ZSCAN1: variants seen among roughly 807,000 people sequenced by gnomAD.
ZSCAN1 encodes zinc finger and SCAN domain-containing protein 1.
ZSCAN1 carries 23 observed loss-of-function variants against 23.8 expected under a neutral mutation model. That is an observed-to-expected ratio of 0.97 (90% confidence interval 0.70 to 1.37). The LOEUF is 1.37. ZSCAN1 is among the 40% of genes most tolerant of loss of function. ZSCAN1 has a pLI of 0.00. For synonymous variants in ZSCAN1, 236 were observed against 232.3 expected (o/e 1.02, Z -0.15); for missense variants, 575 against 554.0 (o/e 1.04, Z -0.38).
chr19:58,039,128 C>T lies in ZSCAN1; in HGVS notation c.370+922C>T, dbSNP rs150374921. 5.9e-3 allele frequency among the ~76,000 whole-genome samples: 904 copies of T among 152,356 alleles called. 2 individuals carry two copies. Among genetic ancestry groups the T allele is most frequent in the South Asian group, 8.9e-3 (43 of 4,830 alleles). On this transcript the variant is annotated intron_variant, in intron 3 of 5. Coordinates refer to ENST00000282326, the MANE Select transcript of ZSCAN1 (RefSeq NM_182572.4). ...CCAGGGTCCCCTTACTGCCCCAGGG[C>T]AGCCGGTGCCACACTTAGGAAAGCT...
Position 58,037,994 on chromosome 19 carries a change from A to C in ZSCAN1, c.158A>C (p.His53Pro). 1 of 1,608,916 alleles carries C rather than the reference A, an allele frequency of 6.2e-7. No individual in the cohort carries two copies. The highest frequency in any genetic ancestry group is 8.5e-7 in the Non-Finnish European group (1 of 1,179,352). Residue 53 changes from histidine to proline, a missense_variant, in exon 3 of 6, where the codon CAC becomes CCC. His to Pro is a moderately conservative substitution (Grantham distance 77, BLOSUM62 -2). Transcript: ENST00000282326. ...QFQYHVASGPHLALGQLWTLC... is the reference protein window; with the variant it reads ...QFQYHVASGPPLALGQLWTLC... ...CAGTACCACGTGGCGAGCGGGCCGC[A>C]CCTCGCGCTGGGCCAGCTCTGGACG...
rs1387164249 is a variant in ZSCAN1 at position 58,045,867 on chromosome 19, G to C, written c.465+5323G>C. ...CCCTCTTGCCAGCCGACCAGCTCAAGTCCACACTGCAGACTCTCCCAGAGA... is the reference window on the plus strand; with the variant it reads ...CCCTCTTGCCAGCCGACCAGCTCAACTCCACACTGCAGACTCTCCCAGAGA... On this transcript the variant is annotated intron_variant, in intron 4 of 5. Transcript: ENST00000282326. The surrounding 1 kb of genome is among the most constrained non-coding windows in gnomAD (Gnocchi z 4.3). 9.6e-7 allele frequency: 1 copy of C among 1,039,718 alleles called. No homozygotes were observed. Among genetic ancestry groups the C allele is most frequent in the Non-Finnish European group, 1.5e-6 (1 of 656,190 alleles). 64.4% of individuals were successfully genotyped at this position (1,039,718 alleles called of 1,614,324 possible). A position where few individuals can be genotyped will look rare whatever the true frequency, so the allele number is the denominator to read the frequency against.
chr19:58,055,825 C>T (rs776536342), downstream of ZSCAN1, among the ~76,000 whole-genome samples: 5 of 152,224 alleles, frequency 3.3e-5, no homozygotes, highest in Non-Finnish European at 7.3e-5. Flanking sequence ...ATCAGTCAGG[C>T]TCCAGCCTAC....
chr19:58,038,489 G>A (rs2073758773), intron 3 of ZSCAN1: 1 of 576,100 alleles, frequency 1.7e-6, no homozygotes, highest in Non-Finnish European at 3.1e-6. Context: ...CCTCACGGCT[G>A]CTCTCTGGGA....
Position 58,045,761 on chromosome 19 carries a change from A to G in ZSCAN1, c.465+5217A>G, listed in dbSNP as rs1198037148. On this transcript the variant is annotated intron_variant, in intron 4 of 5. Coordinates refer to ENST00000282326, the MANE Select transcript of ZSCAN1 (RefSeq NM_182572.4). This position sits in a 1 kb window ranked among gnomAD's most constrained non-coding sequence, Gnocchi z 4.3. ...GAAAACCACCTGAGGGGCCAGCTGAAGCAGTGGCTGGACCTGCACCTGCAT... is the reference window on the plus strand; with the variant it reads ...GAAAACCACCTGAGGGGCCAGCTGAGGCAGTGGCTGGACCTGCACCTGCAT... 28 of 1,509,264 alleles carry G rather than the reference A, an allele frequency of 1.9e-5. No homozygotes were observed. The highest frequency in any genetic ancestry group is 2.6e-5 in the Non-Finnish European group (28 of 1,085,314). 93.5% of individuals were successfully genotyped at this position (1,509,264 alleles called of 1,614,324 possible).
rs1386242800 is a variant in ZSCAN1, at chr19:58,053,592, C to T, written c.768C>T (p.Asp256=). ...ISPRRRNRNT[D]QSGRHQPSLK... is the part of the protein sequence containing the mutation. The stretch of plus-strand genomic sequence containing the variant: ...CCCGAAGGAGAAACAGGAACACTGA[C>T]CAGAGCGGCCGCCACCAGCCATCCC... Residue 256 remains aspartate (D), a synonymous_variant, in exon 6 of 6, where the codon GAC becomes GAT. Transcript: ENST00000282326. This position sits in a 1 kb window ranked among gnomAD's most constrained non-coding sequence, Gnocchi z 5.8. 6.2e-7 allele frequency: 1 copy of T among 1,614,128 alleles called. No homozygotes were observed. Among genetic ancestry groups the T allele is most frequent in the Admixed American group, 1.7e-5 (1 of 60,020 alleles).
chr19:58,034,817 C>A (rs1238939924), intron 1 of ZSCAN1, among the ~76,000 whole-genome samples: 1 of 148,058 alleles, frequency 6.8e-6, no homozygotes, highest in Non-Finnish European at 1.5e-5. Context: ...ATTCCCAGTG[C>A]GCTGCCCTTG....
In ZSCAN1 at chr19:58,041,601, C is replaced by T. The variant is rs186849555; in HGVS notation, c.465+1057C>T. Among the ~76,000 whole-genome samples, 848 of 152,294 alleles carry T rather than the reference C, an allele frequency of 5.6e-3. 13 individuals carry two copies. The highest frequency in any genetic ancestry group is 0.024 in the Admixed American group (363 of 15,292). ...AACAAAATACGGCTGGGTGTGGTGG[C>T]TCATCCCGGTAATCCCAGCACTTTG... On this transcript the variant is annotated intron_variant, in intron 4 of 5. Transcript: ENST00000282326.
intron 2 of ZSCAN1, among the ~76,000 whole-genome samples, chr19:58,036,797 C>T (rs747665588): frequency 6.6e-6 from 1 of 152,134 alleles, no homozygotes; most frequent in Non-Finnish European, 1.5e-5. Context: ...AGCAATTCTC[C>T]TGCCTCAGCC....
At chr19:58,044,209 C>T (rs2073808560) in intron 4 of ZSCAN1, among the ~76,000 whole-genome samples, 1 of 151,876 alleles carries the variant, frequency 6.6e-6, no homozygotes, top group Non-Finnish European at 1.5e-5. Context: ...GAGGCGGAGG[C>T]TGCAGTGAGC....
At chr19:58,042,787 C>T (rs2073799294) in intron 4 of ZSCAN1, among the ~76,000 whole-genome samples, 1 of 152,224 alleles carries the variant, frequency 6.6e-6, no homozygotes, top group African/African-American at 2.4e-5. Context: ...CACGGCAACT[C>T]CAAGGACTCT....
intron 4 of ZSCAN1, chr19:58,044,522 G>T: frequency 2.2e-6 from 1 of 449,152 alleles, no homozygotes; most frequent in Non-Finnish European, 3.9e-6. Context: ...GCGAAGAGCC[G>T]CGGCCGCCGC....
At position 58,047,051 on chromosome 19, in the gene ZSCAN1, C is replaced by A. The variant is rs1367422840; in HGVS notation, c.466-5439C>A. Among the ~76,000 whole-genome samples the A allele has an allele frequency of 2.0e-5, 3 of 152,356 alleles. No homozygotes were observed. The highest frequency in any genetic ancestry group is 2.1e-4 in the South Asian group (1 of 4,828). Reference sequence around the variant, plus strand: ...CTGGGCCAAGGCAGGAAGGTGCCCCCCTGTGTGTGGCCTCACGTCTCAGTG... The same window carrying A: ...CTGGGCCAAGGCAGGAAGGTGCCCCACTGTGTGTGGCCTCACGTCTCAGTG... On this transcript the variant is annotated intron_variant, in intron 4 of 5. Coordinates refer to ENST00000282326, the MANE Select transcript of ZSCAN1 (RefSeq NM_182572.4). The surrounding 1 kb of genome is among the most constrained non-coding windows in gnomAD (Gnocchi z 4.9).
At position 58,053,899 on chromosome 19, in the gene ZSCAN1, G is replaced by T. The variant is rs1402018334; in HGVS notation, c.1075G>T (p.Glu359Ter). The T allele has an allele frequency of 1.2e-6, 2 of 1,613,270 alleles. No homozygotes were observed. Among genetic ancestry groups the T allele is most frequent in the Non-Finnish European group, 8.5e-7 (1 of 1,179,410 alleles). Residue 359 changes from glutamate (E) to a stop codon, truncating the protein, a stop_gained, in exon 6 of 6, where the codon GAG becomes TAG. Coordinates refer to ENST00000282326, the MANE Select transcript of ZSCAN1 (RefSeq NM_182572.4). LOFTEE classifies it low-confidence loss of function (END_TRUNC). The surrounding 1 kb of genome is among the most constrained non-coding windows in gnomAD (Gnocchi z 5.8). Reference protein sequence around the residue: ...KKAPRSKGPRESVPPRDGAQG... With the variant: ...KKAPRSKGPR ...AGCCCCCCGGAGCAAGGGCCCCCGG[G>T]AGTCCGTCCCACCCAGGGATGGAGC... is the stretch of plus-strand genomic sequence containing the variant.
chr19:58,035,762 C>T (rs1212591343), intron 1 of ZSCAN1, among the ~76,000 whole-genome samples: 2 of 152,190 alleles, frequency 1.3e-5, no homozygotes, highest in Non-Finnish European at 2.9e-5. Context: ...CCGTGAGTTG[C>T]CTTTCTGCCA....
chr19:58,051,422 G>A (rs569433471), intron 4 of ZSCAN1, among the ~76,000 whole-genome samples: 24 of 152,108 alleles, frequency 1.6e-4, no homozygotes, highest in Non-Finnish European at 3.1e-4. Context: ...CAACGTGAGA[G>A]CAGGAAGAAT....
chr19:58,054,869 G>A (rs1039282726), downstream of ZSCAN1, among the ~76,000 whole-genome samples: 1 of 151,742 alleles, frequency 6.6e-6, no homozygotes, highest in Non-Finnish European at 1.5e-5. This position sits in a 1 kb window ranked among gnomAD's most constrained non-coding sequence, Gnocchi z 4.2. Context: ...TTAGATAGAT[G>A]CCAACATTTG....
At position 58,040,786 on chromosome 19, in the gene ZSCAN1, C is replaced by G. The variant is rs539459841; in HGVS notation, c.465+242C>G. Among the ~76,000 whole-genome samples, 2 of 152,336 alleles carry G rather than the reference C, an allele frequency of 1.3e-5. No individual in the cohort carries two copies. The highest frequency in any genetic ancestry group is 4.8e-5 in the African/African-American group (2 of 41,574). On this transcript the variant is annotated intron_variant, in intron 4 of 5. Coordinates refer to ENST00000282326, the MANE Select transcript of ZSCAN1 (RefSeq NM_182572.4). This position sits in a 1 kb window ranked among gnomAD's most constrained non-coding sequence, Gnocchi z 5.8. ...TGTGTGCCTCTGGGCCTCACCCCAG[C>G]CCCTCCTGTCCTTTCCCAGCCTCGC... is the stretch of plus-strand genomic sequence containing the variant.
In ZSCAN1 at chr19:58,053,299, G is replaced by A; in HGVS notation, c.605-130G>A. 1 of 1,167,172 alleles carries A rather than the reference G, an allele frequency of 8.6e-7. No homozygotes were observed. The allele number at this position is 1,167,172 out of a possible 1,614,324, so 72.3% of individuals were successfully genotyped here. A position where few individuals can be genotyped will look rare whatever the true frequency, so the allele number is the denominator to read the frequency against. Reference sequence around the variant, plus strand: ...TAAAGGACAGAACGGAGGACACAGGGGCCGTATTGAGCAGAGGAAGGGCCT... The same window carrying A: ...TAAAGGACAGAACGGAGGACACAGGAGCCGTATTGAGCAGAGGAAGGGCCT... On this transcript the variant is annotated intron_variant, in intron 5 of 5. Coordinates refer to ENST00000282326, the MANE Select transcript of ZSCAN1 (RefSeq NM_182572.4). This position sits in a 1 kb window ranked among gnomAD's most constrained non-coding sequence, Gnocchi z 5.8.
Sources: allele counts gnomAD v4.1 joint callset (sites outside exome capture counted in the v4.1 genomes callset), GRCh38; gene constraint gnomAD v4.1.1; non-coding constraint Gnocchi (gnomAD v3.1); transcripts MANE v1.5; gene names NCBI Gene and HGNC (gene_info 2026-07-23, HGNC 2026-07-21).